TXNDC12: variants seen among roughly 807,000 people sequenced by gnomAD.
TXNDC12 encodes thioredoxin domain-containing protein 12.
Under a neutral mutation model 24.2 loss-of-function variants are expected in TXNDC12, and 22 were observed. The ratio of observed to expected loss-of-function variants is 0.91; its 90% confidence interval spans 0.65 to 1.30. The LOEUF is 1.30. Ranked by LOEUF, TXNDC12 falls within the 50% of genes most tolerant of loss-of-function variation. The pLI is 0.00. For synonymous variants in TXNDC12, 58 were observed against 73.4 expected (o/e 0.79, Z 1.07); for missense variants, 184 against 205.8 (o/e 0.89, Z 0.65).
intron 1 of TXNDC12, among the ~76,000 whole-genome samples, chr1:52,042,811 A>G (rs1324939285): frequency 6.6e-6 from 1 of 152,154 alleles, no homozygotes; most frequent in African/African-American, 2.4e-5. Context: ...TTGTAAAGAC[A>G]GGGTTTCTCC....
chr1:52,037,374 G>A (rs889455227), intron 2 of TXNDC12, among the ~76,000 whole-genome samples: 6 of 151,900 alleles, frequency 3.9e-5, no homozygotes, highest in South Asian at 2.1e-4. Flanking sequence ...CACCACGCCC[G>A]GCGAATTTTG....
At chr1:52,054,336 G>C (rs1382475414) in intron 1 of TXNDC12, among the ~76,000 whole-genome samples, 1 of 152,194 alleles carries the variant, frequency 6.6e-6, no homozygotes, top group African/African-American at 2.4e-5. Context: ...CTGATGAGGA[G>C]AGAGGTGTTA....
At chr1:52,023,319 G>T in intron 6 of TXNDC12, 172 bp downstream of exon 6, 1 of 502,594 alleles carries the variant, frequency 2.0e-6, no homozygotes, top group Non-Finnish European at 3.5e-6. Context: ...CCAAGGGAAG[G>T]GGCTCAGTCT....
intron 1 of TXNDC12, 72 bp downstream of exon 1, chr1:52,054,928 A>AG: frequency 8.4e-7 from 1 of 1,193,616 alleles, no homozygotes; most frequent in Non-Finnish European, 1.2e-6. Flanking sequence ...GAACGGTGCT[A>AG]GGGCAAGAAG....
At position 52,028,602 on chromosome 1, in the gene TXNDC12, T is replaced by G; in HGVS notation, c.187A>C (p.Lys63Gln). 1 of 1,613,178 alleles carries G rather than the reference T, an allele frequency of 6.2e-7. No individual in the cohort carries two copies. Among genetic ancestry groups the G allele is most frequent in the Non-Finnish European group, 8.5e-7 (1 of 1,179,770 alleles). ...SGLPLMVIIH[K>Q]SWCGACKALK... ...CCTTTGCAAGCTCCACACCAGGATT[T>G]ATGAATAATCACCATCAGGGGCAGT... The change falls in exon 3 of 7, where the codon AAA (lysine) becomes CAA (glutamine). Residue 63 changes from lysine to glutamine, a missense_variant. Physicochemically the swap from Lys to Gln is moderately conservative, Grantham distance 53. Coordinates refer to ENST00000371626, the MANE Select transcript of TXNDC12 (RefSeq NM_015913.4).
At position 52,029,367 on chromosome 1, in the gene TXNDC12, G is replaced by T. The variant is rs554113575; in HGVS notation, c.159-737C>A. On this transcript the variant is annotated intron_variant, in intron 2 of 6. Coordinates refer to ENST00000371626, the MANE Select transcript of TXNDC12 (RefSeq NM_015913.4). ...TCCTTACACTACATCTGTATTTCAT[G>T]ATTTTTCTACAATATAATTTTCATA... is the stretch of plus-strand genomic sequence containing the variant. 5.3e-5 allele frequency among the ~76,000 whole-genome samples: 8 copies of T among 152,246 alleles called. No homozygotes were observed. The South Asian group carries it at 1.7e-3, about 32-fold the overall frequency.
chr1:52,049,738 A>G (rs1403741260), intron 1 of TXNDC12, among the ~76,000 whole-genome samples: 2 of 150,744 alleles, frequency 1.3e-5, no homozygotes, highest in Non-Finnish European at 2.9e-5. Context: ...GGATCTTGCT[A>G]TGTTGCCCAT....
chr1:52,046,402 A>T (rs1686089957), intron 1 of TXNDC12, among the ~76,000 whole-genome samples: 1 of 152,144 alleles, frequency 6.6e-6, no homozygotes. Context: ...CAAAGTTAGC[A>T]GGATTTTGCT....
At chr1:52,028,146 C>A (rs1685701356) in intron 3 of TXNDC12, among the ~76,000 whole-genome samples, 1 of 151,856 alleles carries the variant, frequency 6.6e-6, no homozygotes, top group Non-Finnish European at 1.5e-5. Context: ...TTTTTACACT[C>A]CTTTTCCATC....
chr1:52,021,961 G>A (rs1685602502), intron 6 of TXNDC12, among the ~76,000 whole-genome samples: 1 of 152,156 alleles, frequency 6.6e-6, no homozygotes, highest in Non-Finnish European at 1.5e-5. Context: ...GACAGCAGTG[G>A]TAACTTGGAT....
chr1:52,032,618 A>C, intron 2 of TXNDC12: 1 of 1,521,066 alleles, frequency 6.6e-7, no homozygotes, highest in South Asian at 1.3e-5. Context: ...TATGCTCTGG[A>C]GACCTGCAGC....
At chr1:52,024,630 C>T in intron 4 of TXNDC12, 51 bp from the exon 5 acceptor site, 1 of 1,441,544 alleles carries the variant, frequency 6.9e-7, no homozygotes, top group Non-Finnish European at 9.6e-7. Flanking sequence ...TCTCTCTCCT[C>T]AAAACCATTC....
At chr1:52,052,066 C>G (rs1012439787) in intron 1 of TXNDC12, among the ~76,000 whole-genome samples, 3 of 152,050 alleles carry the variant, frequency 2.0e-5, no homozygotes, top group Non-Finnish European at 4.4e-5. Flanking sequence ...TTGATTGAAT[C>G]CTCCCAACCC....
intron 1 of TXNDC12, among the ~76,000 whole-genome samples, chr1:52,041,846 G>A (rs12759735): frequency 0.037 from 5,567 of 152,266 alleles, 130 homozygotes; most frequent in African/African-American, 0.043. Context: ...TAAAAATGAC[G>A]TTAAATGCTT....
chr1:52,047,855 T>G (rs1270350076), intron 1 of TXNDC12, among the ~76,000 whole-genome samples: 3 of 152,178 alleles, frequency 2.0e-5, no homozygotes, highest in Non-Finnish European at 4.4e-5. Flanking sequence ...CTCTTACCAC[T>G]GGGGGTATAA....
At chr1:52,035,936 G>T (rs934297055) in intron 2 of TXNDC12, among the ~76,000 whole-genome samples, 2 of 152,118 alleles carry the variant, frequency 1.3e-5, no homozygotes, top group African/African-American at 4.8e-5. Flanking sequence ...GTGCTCTTGG[G>T]CAAGTTATTT....
chr1:52,020,345 G>T lies in TXNDC12; in HGVS notation c.*588C>A. 1 of 411,616 alleles carries T rather than the reference G, an allele frequency of 2.4e-6. No individual in the cohort carries two copies. The highest frequency in any genetic ancestry group is 4.8e-6 in the Non-Finnish European group (1 of 209,828). 25.5% of individuals were successfully genotyped at this position (411,616 alleles called of 1,614,324 possible). ...TCCTGCACACGCATGCGTGCAAACA[G>T]GGAAGCTCAAGCATGAGAAGAGGAA... On this transcript the variant is annotated 3_prime_UTR_variant, in exon 7 of 7. Coordinates refer to ENST00000371626, the MANE Select transcript of TXNDC12 (RefSeq NM_015913.4).
At chr1:52,025,258 G>T (rs1372421000) in intron 4 of TXNDC12, among the ~76,000 whole-genome samples, 1 of 150,274 alleles carries the variant, frequency 6.7e-6, no homozygotes, top group Non-Finnish European at 1.5e-5. Context: ...TCGCTCTGTC[G>T]CCCAGGCTGG....
chr1:52,032,892 C>G (rs764514804), intron 2 of TXNDC12: 1 of 1,613,192 alleles, frequency 6.2e-7, no homozygotes, highest in Non-Finnish European at 8.5e-7. Context: ...GGACAGCGCT[C>G]TTCTGCGCTT....
Sources: gnomAD v4.1 joint callset for allele counts (sites outside exome capture counted in the v4.1 genomes callset) on GRCh38, gnomAD v4.1.1 for gene constraint, MANE v1.5 for transcripts, NCBI Gene and HGNC (gene_info 2026-07-23, HGNC 2026-07-21) for gene names.